The following WDR33 variants were observed in gnomAD, a reference collection of about 807,000 sequenced individuals.
WDR33 encodes the protein WD repeat domain 33.
Under a neutral mutation model 164.9 loss-of-function variants are expected in WDR33, and 47 were observed. The ratio of observed to expected loss-of-function variants is 0.29; its 90% CI spans 0.23 to 0.36. The LOEUF is 0.36. Among genes scored for constraint, WDR33 ranks in the 10% least tolerant of loss-of-function variants. The pLI is 1.00. For missense variants in WDR33, 1,137 were observed against 1,754.1 expected (o/e 0.65, Z 6.28); for synonymous variants, 505 against 589.0 (o/e 0.86, Z 2.06).
intron 7 of WDR33, among the ~76,000 whole-genome samples, chr2:127,746,158 A>G (rs2105408546): frequency 6.6e-6 from 1 of 152,268 alleles, no homozygotes; most frequent in East Asian, 1.9e-4. Flanking sequence ...AGTGGAAATA[A>G]AATATGAGGA....
chr2:127,721,865 A>G lies in WDR33; in HGVS notation c.1642T>C (p.Leu548=). ...AGAAGTTGTGGGTTAGTATATTGTA[A>G]TGTAGCCATTTCTTGCTCAATTTCT... is the stretch of plus-strand genomic sequence containing the variant. The part of the protein sequence containing the change: ...QAEIEQEMAT[L]QYTNPQLLEQ... The change falls in exon 15 of 22, where the codon TTA becomes CTA. Residue 548 remains leucine (L), a synonymous_variant. Transcript: ENST00000322313. This position sits in a 1 kb window ranked among gnomAD's most constrained non-coding sequence, Gnocchi z 4.9. 1 of 1,613,842 alleles carries G rather than the reference A, an allele frequency of 6.2e-7. No homozygotes were observed. The highest frequency in any genetic ancestry group is 8.5e-7 in the Non-Finnish European group (1 of 1,179,962).
At chr2:127,768,706 C>G (rs958095409) in intron 3 of WDR33, among the ~76,000 whole-genome samples, 2 of 152,108 alleles carry the variant, frequency 1.3e-5, no homozygotes, top group African/African-American at 4.8e-5. Context: ...CTGCTTTAAG[C>G]CCCAAATCAA....
intron 7 of WDR33, among the ~76,000 whole-genome samples, chr2:127,759,666 G>A (rs922942321): frequency 3.9e-5 from 6 of 152,062 alleles, no homozygotes; most frequent in Non-Finnish European, 7.4e-5. Flanking sequence ...ACTCCAGCCT[G>A]GGCAACAGAG....
rs147635287 is a variant in WDR33, at chr2:127,713,772, G to A, written c.3119C>T (p.Pro1040Leu). The change falls in exon 18 of 22, where the codon CCG becomes CTG. Residue 1040 changes from proline (P) to leucine (L), a missense_variant. By Grantham distance (98) the Pro-to-Leu change is moderately conservative. Coordinates refer to ENST00000322313, the MANE Select transcript of WDR33 (RefSeq NM_018383.5). The surrounding 1 kb of genome is among the most constrained non-coding windows in gnomAD (Gnocchi z 6.2). ...CCCTCGCCTCCACTTCTCTTCTTGC[G>A]GTAAAGGTCCTCCTCGCCCCTCAAA... is the stretch of plus-strand genomic sequence containing the variant. ...REFEGRGGPL[P>L]QEEKWRRGGP... 203 of 1,614,134 alleles carry A rather than the reference G, an allele frequency of 1.3e-4. No individual in the cohort carries two copies. The highest frequency in any genetic ancestry group is 1.6e-4 in the Middle Eastern group (1 of 6,084).
chr2:127,781,483 AAG>A (rs1688366114), intron 1 of WDR33, among the ~76,000 whole-genome samples: 1 of 152,198 alleles, frequency 6.6e-6, no homozygotes, highest in Non-Finnish European at 1.5e-5. Context: ...AAATCTAAAT[AAG>A]ATCTGCAGAC....
In WDR33 at chr2:127,719,702, G is replaced by A; in HGVS notation, c.2323C>T (p.Pro775Ser). The A allele has an allele frequency of 1.2e-6, 2 of 1,613,696 alleles. No individual in the cohort carries two copies. The highest frequency in any genetic ancestry group is 1.7e-6 in the Non-Finnish European group (2 of 1,179,910). Residue 775 changes from proline (P) to serine (S), a missense_variant, in exon 16 of 22, where the codon CCT becomes TCT. Physicochemically the swap from Pro to Ser is moderately conservative, Grantham distance 74. This residue lies in a region of WDR33 where 867 missense variants were observed against 1,073.0 expected (regional missense o/e 0.81). Transcript: ENST00000322313. This position sits in a 1 kb window ranked among gnomAD's most constrained non-coding sequence, Gnocchi z 6.5. ...QGIQGPVSQG[P>S]LMGLNPRGMQ... ...CCTCTTGGATTCAATCCCATCAGAG[G>A]TCCCTGAGACACAGGACCTTGGATC...
chr2:127,800,941 G>A (rs567089000), intron 1 of WDR33, among the ~76,000 whole-genome samples: 1 of 152,142 alleles, frequency 6.6e-6, no homozygotes, highest in South Asian at 2.1e-4. Context: ...AATGATAGCT[G>A]TAGTGATGGA....
intron 5 of WDR33, 36 bp downstream of exon 5, chr2:127,765,138 C>T: frequency 6.3e-7 from 1 of 1,594,904 alleles, no homozygotes; most frequent in South Asian, 1.1e-5. Flanking sequence ...TTTACAGTAC[C>T]ACAGGATGAT....
chr2:127,809,031 CA>C (rs11305287), intron 1 of WDR33, among the ~76,000 whole-genome samples: 47,167 of 85,018 alleles, frequency 0.55, 8,544 homozygotes, highest in Admixed American at 0.64. Flanking sequence ...ACTCTTGTCT[CA>C]AAAAAAAAAA....
chr2:127,733,673 G>C (rs1686765220), intron 7 of WDR33, among the ~76,000 whole-genome samples: 1 of 152,056 alleles, frequency 6.6e-6, no homozygotes, highest in Non-Finnish European at 1.5e-5. Context: ...AAGAATATCA[G>C]ACAGGAGAGA....
At chr2:127,792,438 A>G (rs1688871426) in intron 1 of WDR33, among the ~76,000 whole-genome samples, 1 of 151,784 alleles carries the variant, frequency 6.6e-6, no homozygotes, top group Non-Finnish European at 1.5e-5. Context: ...AGGCGGGCAG[A>G]TCACTTGAGG....
intron 1 of WDR33, among the ~76,000 whole-genome samples, chr2:127,778,159 G>C (rs1341420298): frequency 2.6e-5 from 4 of 152,070 alleles, no homozygotes; most frequent in African/African-American, 4.8e-5. Flanking sequence ...TTATTGGCTG[G>C]GTGCAGTGGC....
rs1211104072 is a variant in WDR33, at chr2:127,719,669, C to T, written c.2356G>A (p.Gly786Arg). Residue 786 changes from glycine (G) to arginine (R), a missense_variant, in exon 16 of 22, where the codon GGG becomes AGG. Transcript: ENST00000322313. The surrounding 1 kb of genome is among the most constrained non-coding windows in gnomAD (Gnocchi z 6.5). ...TGGTTCTCCCGGGGGCCTGGAGGCC[C>T]CTGCATTCCTCTTGGATTCAATCCC... Reference protein sequence around the residue: ...LMGLNPRGMQGPPGPRENQGP... With the variant: ...LMGLNPRGMQRPPGPRENQGP... The T allele has an allele frequency of 9.3e-6, 15 of 1,613,636 alleles. No homozygotes were observed. Among genetic ancestry groups the T allele is most frequent in the Admixed American group, 3.3e-5 (2 of 59,970 alleles).
At position 127,755,165 on chromosome 2, in the gene WDR33, T is replaced by G. The variant is rs571535421; in HGVS notation, c.724+7897A>C. Among the ~76,000 whole-genome samples, 75 of 152,366 alleles carry G rather than the reference T, an allele frequency of 4.9e-4. No individual in the cohort carries two copies. In the South Asian group the frequency reaches 0.015, roughly 30 times the overall value. ...AACTTCCTATTTATCTTTATTTAAC[T>G]TTTACAGTTTAAGTTTCTGTTAAGT... is the stretch of plus-strand genomic sequence containing the variant. On this transcript the variant is annotated intron_variant, in intron 7 of 21. Coordinates refer to ENST00000322313, the MANE Select transcript of WDR33 (RefSeq NM_018383.5).
At position 127,721,318 on chromosome 2, in the gene WDR33, T is replaced by C. The variant is rs535260516; in HGVS notation, c.1671+518A>G. 1.3e-4 allele frequency among the ~76,000 whole-genome samples: 20 copies of C among 152,050 alleles called. No individual in the cohort carries two copies. Among genetic ancestry groups the C allele is most frequent in the Admixed American group, 8.5e-4 (13 of 15,292 alleles). On this transcript the variant is annotated intron_variant, in intron 15 of 21. Transcript: ENST00000322313. The surrounding 1 kb of genome is among the most constrained non-coding windows in gnomAD (Gnocchi z 4.9). ...AGGTGGGGTTTCACCATGTTGACCATGCTGGTCTCAAACTCCTGATCTCAG... is the reference window on the plus strand; with the variant it reads ...AGGTGGGGTTTCACCATGTTGACCACGCTGGTCTCAAACTCCTGATCTCAG...
At chr2:127,808,621 G>C (rs1689520057) in intron 1 of WDR33, among the ~76,000 whole-genome samples, 2 of 152,190 alleles carry the variant, frequency 1.3e-5, no homozygotes, top group South Asian at 4.1e-4. Context: ...TCAGCAGAGC[G>C]CGGTGGCTCA....
At chr2:127,729,774 C>T (rs529119470) in intron 7 of WDR33, among the ~76,000 whole-genome samples, 3 of 152,150 alleles carry the variant, frequency 2.0e-5, no homozygotes, top group Non-Finnish European at 4.4e-5. Context: ...GGATTACAGG[C>T]GTGAGCCACT....
intron 7 of WDR33, chr2:127,737,084 G>A (rs958321780): frequency 1.0e-6 from 1 of 985,338 alleles, no homozygotes; most frequent in Middle Eastern, 5.2e-4. Flanking sequence ...TATGTTTTGT[G>A]CTAACCAGCA....
At chr2:127,797,111 T>C (rs558451942) in intron 1 of WDR33, among the ~76,000 whole-genome samples, 1 of 152,158 alleles carries the variant, frequency 6.6e-6, no homozygotes, top group East Asian at 1.9e-4. Flanking sequence ...AAATAATTAA[T>C]GTAACCAGTT....
Sources: allele counts gnomAD v4.1 joint callset (sites outside exome capture counted in the v4.1 genomes callset), GRCh38; gene constraint gnomAD v4.1.1; regional missense constraint gnomAD v4.1.1; non-coding constraint Gnocchi (gnomAD v3.1); transcripts MANE v1.5; gene names NCBI Gene and HGNC (gene_info 2026-07-23, HGNC 2026-07-21).